FARS2: variants seen among roughly 807,000 people sequenced by gnomAD.
The protein encoded by FARS2 is phenylalanine--tRNA ligase, mitochondrial.
FARS2 carries 40 observed loss-of-function variants against 46.4 expected under a neutral mutation model. That is an observed-to-expected ratio of 0.86 (90% CI 0.67 to 1.12). The LOEUF is 1.12. Ranked by LOEUF, FARS2 falls within the 50% of genes most tolerant of loss-of-function variation. The pLI is 0.00. For missense variants in FARS2, 513 were observed against 567.9 expected, an observed-to-expected ratio of 0.90 and a Z score of 0.98; for synonymous variants, 234 against 214.9, an observed-to-expected ratio of 1.09 and a Z score of -0.78.
chr6:5,405,497 T>C (rs935575141), intron 3 of FARS2, among the ~76,000 whole-genome samples: 21 of 134,358 alleles, frequency 1.6e-4, no homozygotes, highest in Admixed American at 3.0e-4. Flanking sequence ...TTTTTTTTTT[T>C]TTTTTTTTGA....
intron 1 of FARS2, among the ~76,000 whole-genome samples, chr6:5,353,293 A>G (rs142358645): frequency 6.6e-6 from 1 of 152,208 alleles, no homozygotes; most frequent in African/African-American, 2.4e-5. Context: ...TTCCTTATTC[A>G]CTTATCTGTT....
intron 4 of FARS2, among the ~76,000 whole-genome samples, chr6:5,474,875 G>A (rs1188130193): frequency 6.6e-6 from 1 of 151,972 alleles, no homozygotes; most frequent in Non-Finnish European, 1.5e-5. Flanking sequence ...GGCCAGGCTG[G>A]TCTTGAACTC....
chr6:5,749,926 G>T (rs1286709734), intron 6 of FARS2, among the ~76,000 whole-genome samples: 1 of 152,218 alleles, frequency 6.6e-6, no homozygotes, highest in Non-Finnish European at 1.5e-5. Flanking sequence ...TGGCCCTTGG[G>T]AGGCTGAGGA....
intron 6 of FARS2, among the ~76,000 whole-genome samples, chr6:5,696,808 A>G (rs1387357257): frequency 6.6e-6 from 1 of 152,222 alleles, no homozygotes; most frequent in East Asian, 1.9e-4. Context: ...CTAAAAATAC[A>G]ATGTGGAAGA....
chr6:5,699,533 C>T (rs866023002), intron 6 of FARS2, among the ~76,000 whole-genome samples: 83 of 148,632 alleles, frequency 5.6e-4, no homozygotes, highest in African/African-American at 1.8e-3. Context: ...TTTGAGGTGG[C>T]GTCTCACTCT....
chr6:5,617,194 C>T (rs1775522774), intron 6 of FARS2, among the ~76,000 whole-genome samples: 1 of 152,102 alleles, frequency 6.6e-6, no homozygotes, highest in South Asian at 2.1e-4. Flanking sequence ...TGCAGGTATA[C>T]ACACACAACC....
At position 5,500,552 on chromosome 6, in the gene FARS2, T is replaced by G. The variant is rs1213036342; in HGVS notation, c.905-44628T>G. Among the ~76,000 whole-genome samples the G allele has an allele frequency of 2.0e-5, 3 of 152,138 alleles. No individual in the cohort carries two copies. In the South Asian group the frequency reaches 6.2e-4, roughly 31 times the overall value. On this transcript the variant is annotated intron_variant, in intron 4 of 6. Coordinates refer to ENST00000274680, the MANE Select transcript of FARS2 (RefSeq NM_006567.5). ...CAGAGGAGAGGCCTGTGCAGTTACC[T>G]TCAGTGTTTTTCATCAGAGCAGGTA...
intron 6 of FARS2, among the ~76,000 whole-genome samples, chr6:5,688,412 T>G (rs78553016): frequency 6.6e-4 from 101 of 152,066 alleles, no homozygotes; most frequent in Non-Finnish European, 9.1e-4. Context: ...TAGCATGAAG[T>G]GTTGTTGAAT....
chr6:5,550,795 C>G (rs185622195), intron 5 of FARS2, among the ~76,000 whole-genome samples: 1 of 152,288 alleles, frequency 6.6e-6, no homozygotes, highest in African/African-American at 2.4e-5. Context: ...ACAAGAGGCT[C>G]CTCTGCAGAT....
chr6:5,650,086 T>TCAGAGG lies in FARS2; in HGVS notation c.1217+36767_1217+36772dup, dbSNP rs534146081. ...TGTTAGGAAACCTTTCTAACTAAGG[T>TCAGAGG]CAGAGGACCGAGCCTGGGGTTTTAA... On this transcript the variant is annotated intron_variant, in intron 6 of 6. Transcript: ENST00000274680. Among the ~76,000 whole-genome samples the TCAGAGG allele has an allele frequency of 4.2e-3, 634 of 152,072 alleles. 3 individuals carry two copies. Among genetic ancestry groups the TCAGAGG allele is most frequent in the African/African-American group, 0.014 (595 of 41,452 alleles).
intron 1 of FARS2, among the ~76,000 whole-genome samples, chr6:5,294,778 G>A (rs1331681385): frequency 2.0e-5 from 3 of 152,170 alleles, no homozygotes; most frequent in Non-Finnish European, 4.4e-5. Context: ...CTCCCTGGGT[G>A]TTCCACCCTC....
At chr6:5,260,522 C>A (rs1764991624), upstream of FARS2, 1 of 1,307,864 alleles carries the variant, frequency 7.6e-7, no homozygotes, top group Admixed American at 2.2e-5. Flanking sequence ...GGAGCCCGGT[C>A]CTTGCCTCGC....
intron 1 of FARS2, among the ~76,000 whole-genome samples, chr6:5,267,389 G>A (rs1410647735): frequency 6.6e-6 from 1 of 152,084 alleles, no homozygotes; most frequent in East Asian, 1.9e-4. Context: ...ACTAGCTACA[G>A]CTTATTGTAA....
At chr6:5,342,340 T>G (rs1329192728) in intron 1 of FARS2, among the ~76,000 whole-genome samples, 1 of 152,246 alleles carries the variant, frequency 6.6e-6, no homozygotes, top group East Asian at 1.9e-4. Context: ...TTGAAGACTG[T>G]GGTGCATTTA....
intron 1 of FARS2, among the ~76,000 whole-genome samples, chr6:5,359,858 T>C (rs1247509276): frequency 6.6e-6 from 1 of 152,266 alleles, no homozygotes; most frequent in Admixed American, 6.5e-5. Context: ...GTGCCGGAGC[T>C]GCAGCTTCCT....
intron 4 of FARS2, chr6:5,431,636 C>G (rs781415912): frequency 2.3e-5 from 12 of 532,592 alleles, no homozygotes; most frequent in South Asian, 1.7e-4. Flanking sequence ...ACTTAGGCCC[C>G]TAATGCTTAA....
intron 4 of FARS2, among the ~76,000 whole-genome samples, chr6:5,482,507 A>C (rs1040806689): frequency 1.3e-5 from 2 of 152,130 alleles, no homozygotes; most frequent in African/African-American, 4.8e-5. Context: ...CTCTTAGTGG[A>C]TTTCTAGGGA....
chr6:5,525,132 G>A (rs1769379959), intron 4 of FARS2, among the ~76,000 whole-genome samples: 3 of 151,964 alleles, frequency 2.0e-5, no homozygotes, highest in South Asian at 4.2e-4. Flanking sequence ...AATGGCTGCC[G>A]ACGTACAGCC....
intron 1 of FARS2, among the ~76,000 whole-genome samples, chr6:5,322,833 A>C (rs1770078942): frequency 6.6e-6 from 1 of 152,182 alleles, no homozygotes; most frequent in Non-Finnish European, 1.5e-5. Context: ...GTTCAGAGGG[A>C]AAGCTTCAGA....
Sources: gnomAD v4.1 joint callset for allele counts (sites outside exome capture counted in the v4.1 genomes callset) on GRCh38, gnomAD v4.1.1 for gene constraint, MANE v1.5 for transcripts, NCBI Gene and HGNC (gene_info 2026-07-23, HGNC 2026-07-21) for gene names.